The following C1orf162 variants were observed in gnomAD, a reference collection of about 807,000 sequenced individuals.
The protein encoded by C1orf162 is chromosome 1 open reading frame 162.
In C1orf162, 10 loss-of-function variants were observed where a neutral mutation model predicts 11.4. The ratio of observed to expected loss-of-function variants is 0.88; its 90% confidence interval spans 0.54 to 1.48. The LOEUF is 1.48. Among genes scored for constraint, C1orf162 ranks in the 40% most tolerant of loss-of-function variants. The probability of loss-of-function intolerance (pLI) is 0.00; values close to 1 mark genes in which losing one functional copy is unlikely to be tolerated. For missense variants in C1orf162, 140 were observed against 149.5 expected, an observed-to-expected ratio of 0.94 and a Z score of 0.33; for synonymous variants, 53 against 55.0, an observed-to-expected ratio of 0.96 and a Z score of 0.16.
rs193297910 is a variant in C1orf162 at position 111,476,999 on chromosome 1, A to G, written c.107+132A>G. ...CTAGAAACAGTAAAAGAACAAAGTC[A>G]GTTTGTGATCTCAGGAGTATGGCTC... On this transcript the variant is annotated intron_variant, in intron 3 of 5. Coordinates refer to ENST00000369718, the MANE Select transcript of C1orf162 (RefSeq NM_001300834.2). The G allele has an allele frequency of 2.3e-3, 2,344 of 1,008,754 alleles. 5 individuals carry two copies. The highest frequency in any genetic ancestry group is 4.5e-3 in the African/African-American group (283 of 62,574). 62.5% of individuals were successfully genotyped at this position (1,008,754 alleles called of 1,614,324 possible). A position where few individuals can be genotyped will look rare whatever the true frequency, so the allele number is the denominator to read the frequency against.
At chr1:111,474,621 A>G (rs1008291990) in intron 1 of C1orf162, 1 of 152,260 alleles carries the variant, frequency 6.6e-6, no homozygotes, top group African/African-American at 2.4e-5. Flanking sequence ...CTTACAAGTT[A>G]GAAAAGGAGC....
intron 3 of C1orf162, 136 bp from the exon 4 acceptor site, chr1:111,477,198 A>T (rs1277558880): frequency 1.2e-6 from 1 of 805,086 alleles, no homozygotes; most frequent in Non-Finnish European, 2.0e-6. Flanking sequence ...AAAAGCTGAA[A>T]ACCACTGGGT....
chr1:111,477,258 C>T, intron 3 of C1orf162, 76 bp from the exon 4 acceptor site: 3 of 1,226,966 alleles, frequency 2.4e-6, no homozygotes, highest in Non-Finnish European at 3.6e-6. Context: ...CATCCATAGG[C>T]AGGAAAGGTT....
intron 1 of C1orf162, 166 bp from the exon 2 acceptor site, chr1:111,475,852 A>T: frequency 1.8e-6 from 1 of 550,862 alleles, no homozygotes; most frequent in Non-Finnish European, 3.4e-6. Flanking sequence ...ACAACACCAG[A>T]ATTGTTAACC....
In C1orf162 at chr1:111,477,990, C is replaced by G; in HGVS notation, c.260C>G (p.Ser87Cys). ...CTTTTTCTCCCTCTGCAGCTTTCAT[C>G]CATCCCAGGGGAATCACTTACCTAT... The part of the protein sequence containing the change: ...PHSDPPAKLS[S>C]IPGESLTYAS... The change falls in exon 6 of 6, where the codon TCC (serine) becomes TGC (cysteine). Residue 87 changes from serine (S) to cysteine (C), a missense_variant. Ser to Cys is a moderately radical substitution (Grantham distance 112, BLOSUM62 -1). Transcript: ENST00000369718. 1 of 1,614,180 alleles carries G rather than the reference C, an allele frequency of 6.2e-7. No homozygotes were observed. Among genetic ancestry groups the G allele is most frequent in the Non-Finnish European group, 8.5e-7 (1 of 1,180,014 alleles).
chr1:111,474,611 C>G (rs892672287), intron 1 of C1orf162: 2 of 152,196 alleles, frequency 1.3e-5, no homozygotes, highest in African/African-American at 4.8e-5. Flanking sequence ...GCACCACTGA[C>G]TTACAAGTTA....
intron 3 of C1orf162, 162 bp from the exon 4 acceptor site, chr1:111,477,172 T>A (rs1298262618): frequency 8.7e-6 from 6 of 686,928 alleles, no homozygotes; most frequent in Non-Finnish European, 1.3e-5. Context: ...CTCAAATGGA[T>A]GTGAAACTCA....
At chr1:111,475,394 TGATATAAA>T (rs1318222733) in intron 1 of C1orf162, 1 of 152,208 alleles carries the variant, frequency 6.6e-6, no homozygotes, top group Non-Finnish European at 1.5e-5. Flanking sequence ...TTATACATTT[TGATATAAA>T]GCCTAAACAA....
chr1:111,478,210 G>GACC lies in C1orf162; in HGVS notation c.*94_*96dup. 1 of 1,524,312 alleles carries GACC rather than the reference G, an allele frequency of 6.6e-7. No individual in the cohort carries two copies. The highest frequency in any genetic ancestry group is 1.7e-5 in the Admixed American group (1 of 59,134). 94.4% of individuals were successfully genotyped at this position (1,524,312 alleles called of 1,614,324 possible). On this transcript the variant is annotated 3_prime_UTR_variant, in exon 6 of 6. Transcript: ENST00000369718. ...CACTTTCACTTTTTTACAAATTTTG[G>GACC]ACCACCACCTGTGTGAAACTGCAGT... is the stretch of plus-strand genomic sequence containing the variant.
At chr1:111,474,545 A>G (rs1214558196) in intron 1 of C1orf162, 1 of 152,228 alleles carries the variant, frequency 6.6e-6, no homozygotes, top group East Asian at 1.9e-4. Context: ...TAGCACCAGC[A>G]TATATTTCAA....
At position 111,477,329 on chromosome 1, in the gene C1orf162, A is replaced by G. The variant is rs774346889; in HGVS notation, c.108-5A>G. 3 of 1,613,368 alleles carry G rather than the reference A, an allele frequency of 1.9e-6. No individual in the cohort carries two copies. The highest frequency in any genetic ancestry group is 2.5e-6 in the Non-Finnish European group (3 of 1,179,416). On this transcript the variant is annotated splice_region_variant and splice_polypyrimidine_tract_variant and intron_variant, in intron 3 of 5. Transcript: ENST00000369718. ...TTCATCCCCTGCCTTTCTTTGCCAA[A>G]ACAGCAAAAAACATTTAATCCTTGC...
intron 1 of C1orf162, chr1:111,474,964 C>T (rs1156306859): frequency 1.3e-5 from 2 of 151,856 alleles, no homozygotes; most frequent in Non-Finnish European, 2.9e-5. Context: ...AATAACAAAG[C>T]CAAAACATTT....
chr1:111,475,013 C>T lies in C1orf162; in HGVS notation c.-12+983C>T, dbSNP rs1439256591. 6.6e-5 allele frequency: 10 copies of T among 150,500 alleles called. No homozygotes were observed. In the East Asian group the frequency reaches 2.0e-3, roughly 30 times the overall value. The allele number at this position is 150,500 out of a possible 1,614,324, so 9.3% of individuals were successfully genotyped here. A position where few individuals can be genotyped will look rare whatever the true frequency, so the allele number is the denominator to read the frequency against. ...CCTAAATACAAAGTAAAATTTTGGC[C>T]TCCTAAAAAAAAAAATCAGGGATGC... is the stretch of plus-strand genomic sequence containing the variant. On this transcript the variant is annotated intron_variant, in intron 1 of 5. Coordinates refer to ENST00000369718, the MANE Select transcript of C1orf162 (RefSeq NM_001300834.2).
At chr1:111,477,613 CTGCCAACACCT>C in intron 4 of C1orf162, 102 bp from the exon 5 acceptor site, 2 of 1,588,078 alleles carry the variant, frequency 1.3e-6, no homozygotes, top group Admixed American at 1.7e-5. Flanking sequence ...CCCCACCCAC[CTGCCAACACCT>C]CCTCCCCACC....
At chr1:111,474,352 C>T (rs1472822067) in intron 1 of C1orf162, among the ~76,000 whole-genome samples, 3 of 152,120 alleles carry the variant, frequency 2.0e-5, no homozygotes, top group Non-Finnish European at 4.4e-5. Context: ...TGGTATTGTA[C>T]GATGATTTTG....
chr1:111,475,850 A>G, intron 1 of C1orf162, 168 bp from the exon 2 acceptor site: 1 of 548,580 alleles, frequency 1.8e-6, no homozygotes, highest in South Asian at 2.4e-5. Context: ...AAACAACACC[A>G]GAATTGTTAA....
chr1:111,476,014 TC>T lies in C1orf162; in HGVS notation c.-11-3del, dbSNP rs764396192. The T allele has an allele frequency of 3.7e-6, 6 of 1,612,536 alleles. No individual in the cohort carries two copies. The highest frequency in any genetic ancestry group is 5.1e-6 in the Non-Finnish European group (6 of 1,178,710). On this transcript the variant is annotated splice_polypyrimidine_tract_variant and splice_region_variant and intron_variant, in intron 1 of 5. Coordinates refer to ENST00000369718, the MANE Select transcript of C1orf162 (RefSeq NM_001300834.2). ...TTCTAAGAGATACCTTGTTTTATTC[TC>T]AGGGGATGACAGCATGGGAGGCAAT...
In C1orf162 at chr1:111,477,852, G is replaced by A. The variant is rs1654051780; in HGVS notation, c.252+77G>A. 1.9e-6 allele frequency: 3 copies of A among 1,596,492 alleles called. No individual in the cohort carries two copies. In the South Asian group the frequency reaches 3.3e-5, roughly 18 times the overall value. On this transcript the variant is annotated intron_variant, in intron 5 of 5. Transcript: ENST00000369718. ...TTCCCCTCCATACTCTTCATTATCT[G>A]CTAGAATGGTGGTATTGATTTCCAG...
chr1:111,477,984 T>TTTC lies in C1orf162; in HGVS notation c.255_257dup (p.Ser87dup). The TTTC allele has an allele frequency of 6.2e-7, 1 of 1,614,160 alleles. No homozygotes were observed. The highest frequency in any genetic ancestry group is 8.5e-7 in the Non-Finnish European group (1 of 1,180,020). On this transcript the variant is annotated inframe_insertion and splice_region_variant, in exon 6 of 6. Coordinates refer to ENST00000369718, the MANE Select transcript of C1orf162 (RefSeq NM_001300834.2). ...TTCCTCCTTTTTCTCCCTCTGCAGC[T>TTTC]TTCATCCATCCCAGGGGAATCACTT...
Sources: gnomAD v4.1 joint callset for allele counts (sites outside exome capture counted in the v4.1 genomes callset) on GRCh38, gnomAD v4.1.1 for gene constraint, MANE v1.5 for transcripts, NCBI Gene and HGNC (gene_info 2026-07-23, HGNC 2026-07-21) for gene names.